The following PLXNC1 variants were observed in gnomAD, a reference collection of about 807,000 sequenced individuals.
PLXNC1 encodes the protein plexin C1.
In PLXNC1, 75 loss-of-function variants were observed where a neutral mutation model predicts 178.2. The observed-to-expected ratio is 0.42, with a 90% confidence interval of 0.35 to 0.51. The LOEUF is 0.51. Among genes scored for constraint, PLXNC1 ranks in the 20% least tolerant of loss-of-function variants. PLXNC1 has a pLI of 0.02. For synonymous variants in PLXNC1, 790 were observed against 779.9 expected (o/e 1.01, Z -0.22); for missense variants, 1,503 against 1,984.4 (o/e 0.76, Z 4.61).
chr12:94,211,961 A>G (rs1286304011), intron 5 of PLXNC1, among the ~76,000 whole-genome samples: 1 of 152,218 alleles, frequency 6.6e-6, no homozygotes, highest in Non-Finnish European at 1.5e-5. Flanking sequence ...TGGAGAAGGA[A>G]AGCAGAGATA....
At chr12:94,151,835 A>G (rs1453110063) in intron 1 of PLXNC1, among the ~76,000 whole-genome samples, 1 of 152,196 alleles carries the variant, frequency 6.6e-6, no homozygotes, top group African/African-American at 2.4e-5. Context: ...AGCATCTTGA[A>G]TGCACTCAAA....
intron 17 of PLXNC1, among the ~76,000 whole-genome samples, chr12:94,257,127 T>G (rs551473554): frequency 3.3e-4 from 51 of 152,314 alleles, no homozygotes; most frequent in African/African-American, 1.1e-3. Flanking sequence ...AAGAAGACAA[T>G]GCCACTTAAA....
At chr12:94,291,073 G>A (rs893970734) in intron 23 of PLXNC1, among the ~76,000 whole-genome samples, 1 of 152,236 alleles carries the variant, frequency 6.6e-6, no homozygotes, top group African/African-American at 2.4e-5. Context: ...GCCCATCAGG[G>A]TGTGGGGGAG....
rs1479493422 is a variant in PLXNC1 at position 94,149,108 on chromosome 12, T to G, written c.137T>G (p.Ile46Ser). 6.3e-7 allele frequency: 1 copy of G among 1,585,616 alleles called. No individual in the cohort carries two copies. The highest frequency in any genetic ancestry group is 8.5e-7 in the Non-Finnish European group (1 of 1,171,890). The change falls in exon 1 of 31, where the codon ATC (isoleucine) becomes AGC (serine). Residue 46 changes from isoleucine to serine, a missense_variant. Transcript: ENST00000258526. ...DEPVWRSEQA[I>S]GAIAASQEDG... ...CCCGTGTGGCGGTCGGAGCAAGCCA[T>G]CGGAGCCATCGCGGCGAGCCAGGAG...
rs533538226 is a variant in PLXNC1 at position 94,177,161 on chromosome 12, G to GTATA, written c.1204-4274_1204-4271dup. ...TATGTGTGTGTGTGTATATATATAT[G>GTATA]TATATATATATATACGTATATATAT... On this transcript the variant is annotated intron_variant, in intron 2 of 30. Transcript: ENST00000258526. Among the ~76,000 whole-genome samples, 275 of 91,236 alleles carry GTATA rather than the reference G, an allele frequency of 3.0e-3. 2 individuals are homozygous for GTATA. Among genetic ancestry groups the GTATA allele is most frequent in the African/African-American group, 6.7e-3 (116 of 17,256 alleles). 59.9% of individuals were successfully genotyped at this position (91,236 alleles called of 152,430 possible).
intron 9 of PLXNC1, chr12:94,227,448 A>G (rs1390557094): frequency 2.4e-6 from 1 of 409,134 alleles, no homozygotes; most frequent in Non-Finnish European, 4.4e-6. Context: ...AAACTCTGTA[A>G]TTATGAAAAA....
At chr12:94,187,166 A>T (rs1424008297) in intron 4 of PLXNC1, among the ~76,000 whole-genome samples, 1 of 136,658 alleles carries the variant, frequency 7.3e-6, no homozygotes, top group Non-Finnish European at 1.5e-5. Context: ...GCTGCAGCTC[A>T]GGCAGGAAAG....
In PLXNC1 at chr12:94,149,293, C is replaced by A; in HGVS notation, c.322C>A (p.Leu108Met). Residue 108 changes from leucine (L) to methionine (M), a missense_variant, in exon 1 of 31, where the codon CTG becomes ATG. Coordinates refer to ENST00000258526, the MANE Select transcript of PLXNC1 (RefSeq NM_005761.3). The part of the protein sequence containing the change: ...RPRPGSSFSK[L>M]LLPYREGAAG... ...CCGGCCCGGGAGCAGCTTCAGCAAG[C>A]TGCTGCTGCCCTACCGCGAGGGGGC... 1.3e-6 allele frequency: 2 copies of A among 1,492,292 alleles called. No individual in the cohort carries two copies. The highest frequency in any genetic ancestry group is 1.8e-6 in the Non-Finnish European group (2 of 1,129,832). The allele number at this position is 1,492,292 out of a possible 1,614,324, so 92.4% of individuals were successfully genotyped here.
chr12:94,209,756 G>A, intron 5 of PLXNC1, 52 bp downstream of exon 5: 1 of 1,087,994 alleles, frequency 9.2e-7, no homozygotes, highest in Non-Finnish European at 1.4e-6. Context: ...ATTTTGCACA[G>A]CGGATGCTAA....
At chr12:94,202,259 T>C (rs1457872851) in intron 4 of PLXNC1, among the ~76,000 whole-genome samples, 2 of 152,358 alleles carry the variant, frequency 1.3e-5, no homozygotes, top group Admixed American at 6.5e-5. Flanking sequence ...CTCTGGACTG[T>C]AAGCTCAATA....
At chr12:94,161,399 A>G (rs1219753797) in intron 1 of PLXNC1, among the ~76,000 whole-genome samples, 2 of 152,182 alleles carry the variant, frequency 1.3e-5, no homozygotes, top group African/African-American at 2.4e-5. Flanking sequence ...GAAAGGATAA[A>G]TGACTGTCTA....
At chr12:94,175,939 G>A (rs1962034214) in intron 2 of PLXNC1, among the ~76,000 whole-genome samples, 1 of 152,254 alleles carries the variant, frequency 6.6e-6, no homozygotes, top group African/African-American at 2.4e-5. Context: ...GTTCAGCGGA[G>A]AAGTGATCAG....
chr12:94,218,891 A>G (rs1357461116), intron 5 of PLXNC1, among the ~76,000 whole-genome samples: 1 of 152,230 alleles, frequency 6.6e-6, no homozygotes, highest in African/African-American at 2.4e-5. Context: ...AATAAGGAAT[A>G]GTTGACAAAT....
At chr12:94,151,877 C>T (rs2062800326) in intron 1 of PLXNC1, among the ~76,000 whole-genome samples, 2 of 152,200 alleles carry the variant, frequency 1.3e-5, no homozygotes, top group Admixed American at 6.5e-5. Context: ...GGTGTTCCTG[C>T]TTGTGCCGGG....
At chr12:94,282,486 C>T (rs1034407525) in intron 23 of PLXNC1, 85 bp downstream of exon 23, 12 of 872,998 alleles carry the variant, frequency 1.4e-5, no homozygotes, top group African/African-American at 5.0e-5. Flanking sequence ...CCAGGACTCC[C>T]ACCCATTTCC....
chr12:94,170,696 C>T (rs1961810775), intron 2 of PLXNC1, among the ~76,000 whole-genome samples: 1 of 152,188 alleles, frequency 6.6e-6, no homozygotes, highest in Non-Finnish European at 1.5e-5. Context: ...TGAATTCCCA[C>T]AGCCTAATAC....
chr12:94,161,960 G>GAT (rs1424894525), intron 1 of PLXNC1, among the ~76,000 whole-genome samples: 1 of 152,224 alleles, frequency 6.6e-6, no homozygotes, highest in African/African-American at 2.4e-5. Flanking sequence ...TTATCCCTTT[G>GAT]ATAAGCATTT....
intron 4 of PLXNC1, among the ~76,000 whole-genome samples, chr12:94,198,057 A>T (rs1209699698): frequency 6.6e-6 from 1 of 152,186 alleles, no homozygotes; most frequent in Non-Finnish European, 1.5e-5. Context: ...TGAGTAACAC[A>T]GGTCAAAATC....
At chr12:94,269,259 T>C (rs768445759) in intron 21 of PLXNC1, among the ~76,000 whole-genome samples, 8 of 152,192 alleles carry the variant, frequency 5.3e-5, no homozygotes, top group East Asian at 1.9e-4. Flanking sequence ...ACAAAAATAT[T>C]ATTGCCTTCA....
Sources: allele counts gnomAD v4.1 joint callset (sites outside exome capture counted in the v4.1 genomes callset), GRCh38; gene constraint gnomAD v4.1.1; transcripts MANE v1.5; gene names NCBI Gene and HGNC (gene_info 2026-07-23, HGNC 2026-07-21).